COL28A1: variants seen among roughly 807,000 people sequenced by gnomAD.
COL28A1 encodes the protein collagen alpha-1(XXVIII) chain.
COL28A1 carries 161 observed loss-of-function variants against 150.2 expected under a neutral mutation model. That is an observed-to-expected ratio of 1.07 (90% CI 0.94 to 1.22). The LOEUF (loss-of-function observed/expected upper bound fraction) is 1.22. Among genes scored for constraint, COL28A1 ranks in the 50% most tolerant of loss-of-function variants. COL28A1 has a pLI of 0.00. For synonymous variants in COL28A1, 552 were observed against 469.7 expected (o/e 1.18, Z -2.26); for missense variants, 1,617 against 1,388.3 (o/e 1.16, Z -2.62).
chr7:7,497,331 A>G (rs889013996), intron 11 of COL28A1, among the ~76,000 whole-genome samples: 2 of 152,242 alleles, frequency 1.3e-5, no homozygotes, highest in African/African-American at 4.8e-5. Flanking sequence ...GGCACTTACT[A>G]TGCAAGAAGT....
At position 7,360,462 on chromosome 7, in the gene COL28A1, G is replaced by A. The variant is rs1327009514; in HGVS notation, c.3133C>T (p.Pro1045Ser). 3 of 1,609,720 alleles carry A rather than the reference G, an allele frequency of 1.9e-6. No homozygotes were observed. The highest frequency in any genetic ancestry group is 1.7e-4 in the Middle Eastern group (1 of 5,994). The part of the protein sequence containing the change: ...APEPTWADDL[P>S]ATTSSEATTT... ...GTGGCCTCAGATGAGGTAGTGGCAG[G>A]CAGATCATCAGCCCACGTTGGCTCT... The change falls in exon 34 of 35, where the codon CCT (proline) becomes TCT (serine). Residue 1045 changes from proline to serine, a missense_variant. Pro to Ser is a moderately conservative substitution (Grantham distance 74). Transcript: ENST00000399429.
chr7:7,537,093 T>C (rs1484340563), upstream of COL28A1, among the ~76,000 whole-genome samples: 1 of 152,166 alleles, frequency 6.6e-6, no homozygotes, highest in Non-Finnish European at 1.5e-5. Flanking sequence ...ATCTAAGCTA[T>C]ATATACATTT....
intron 25 of COL28A1, among the ~76,000 whole-genome samples, chr7:7,422,495 G>A (rs534565175): frequency 6.6e-6 from 1 of 152,130 alleles, no homozygotes; most frequent in Admixed American, 6.5e-5. Flanking sequence ...TAGGCGTGGC[G>A]GCAGGCACCT....
chr7:7,361,974 G>C (rs1780691573), intron 33 of COL28A1, among the ~76,000 whole-genome samples: 1 of 152,114 alleles, frequency 6.6e-6, no homozygotes, highest in South Asian at 2.1e-4. Context: ...AGTGGGAGTT[G>C]AACAATGAAA....
rs544246353 is a variant in COL28A1, at chr7:7,399,508, G to A, written c.2137-17896C>T. Among the ~76,000 whole-genome samples the A allele has an allele frequency of 7.9e-5, 12 of 152,258 alleles. 1 individual carries two copies. In the East Asian group the frequency reaches 9.7e-4, roughly 12 times the overall value. On this transcript the variant is annotated intron_variant, in intron 27 of 34. Transcript: ENST00000399429. ...GTTCTGAGCTAGAGGTAATGGATGT[G>A]GAGGTTGGCCATCTTTTTGGTAGAA...
Position 7,432,470 on chromosome 7 carries a change from T to C in COL28A1, c.1998+3A>G, listed in dbSNP as rs1281542784. The stretch of plus-strand genomic sequence containing the variant: ...TAGTACGTTGCCTACTTTAAAGTCT[T>C]ACCTTTGCTCCAGTGTCTCCCACTC... On this transcript the variant is annotated splice_donor_region_variant and intron_variant, in intron 25 of 34. Transcript: ENST00000399429. 6.2e-7 allele frequency: 1 copy of C among 1,613,920 alleles called. No homozygotes were observed. The highest frequency in any genetic ancestry group is 8.5e-7 in the Non-Finnish European group (1 of 1,179,788).
chr7:7,407,053 G>A (rs1762960379), intron 27 of COL28A1, among the ~76,000 whole-genome samples: 2 of 151,258 alleles, frequency 1.3e-5, no homozygotes, highest in African/African-American at 4.9e-5. Context: ...CAATGGACTG[G>A]TTAAATGACA....
intron 15 of COL28A1, among the ~76,000 whole-genome samples, chr7:7,467,895 T>C (rs1371703751): frequency 6.9e-6 from 1 of 144,902 alleles, no homozygotes; most frequent in Non-Finnish European, 1.5e-5. Flanking sequence ...AATAAAGATG[T>C]TCTTTGAAAC....
At chr7:7,454,696 G>A (rs1787001973) in intron 16 of COL28A1, among the ~76,000 whole-genome samples, 1 of 152,110 alleles carries the variant, frequency 6.6e-6, no homozygotes, top group African/African-American at 2.4e-5. Flanking sequence ...TAGCCCCATA[G>A]TGGTCACTCA....
At chr7:7,445,712 G>A (rs970915416) in intron 18 of COL28A1, among the ~76,000 whole-genome samples, 3 of 151,710 alleles carry the variant, frequency 2.0e-5, no homozygotes, top group Non-Finnish European at 4.4e-5. Flanking sequence ...CAACAAAATG[G>A]AAAATAATTG....
At chr7:7,474,772 A>G (rs541814325) in intron 14 of COL28A1, 103 bp from the exon 15 acceptor site, 1 of 707,632 alleles carries the variant, frequency 1.4e-6, no homozygotes, top group African/African-American at 1.8e-5. Context: ...TTATTTTTTA[A>G]ATAAAGCATC....
intron 33 of COL28A1, among the ~76,000 whole-genome samples, chr7:7,370,205 A>G (rs1044715664): frequency 6.6e-6 from 1 of 152,224 alleles, no homozygotes; most frequent in Non-Finnish European, 1.5e-5. Context: ...ATGCATATAT[A>G]GCCTCCCTCA....
chr7:7,378,901 G>T (rs1403553945), intron 30 of COL28A1, among the ~76,000 whole-genome samples: 1 of 152,162 alleles, frequency 6.6e-6, no homozygotes, highest in East Asian at 1.9e-4. Context: ...ACTGCATGGG[G>T]GTTTGGCCAG....
intron 13 of COL28A1, among the ~76,000 whole-genome samples, chr7:7,488,370 C>T (rs533909822): frequency 6.6e-6 from 1 of 152,256 alleles, no homozygotes; most frequent in Non-Finnish European, 1.5e-5. Flanking sequence ...TCACAGAGTG[C>T]AGTAAGGAAG....
intron 8 of COL28A1, 27 bp downstream of exon 8, chr7:7,515,787 T>C: frequency 1.1e-6 from 1 of 916,498 alleles, no homozygotes; most frequent in South Asian, 1.4e-5. Flanking sequence ...GAAATTCTGG[T>C]CAATCTATTT....
chr7:7,366,117 AT>A (rs1780920652), intron 33 of COL28A1, among the ~76,000 whole-genome samples: 1 of 152,178 alleles, frequency 6.6e-6, no homozygotes, highest in Admixed American at 6.5e-5. Context: ...CTGTAATCAT[AT>A]ACTTTTAGAA....
intron 33 of COL28A1, among the ~76,000 whole-genome samples, chr7:7,367,102 T>TTA (rs1174382590): frequency 1.3e-5 from 2 of 152,198 alleles, no homozygotes; most frequent in East Asian, 1.9e-4. Context: ...TTAGATATGC[T>TTA]TATATATATA....
At chr7:7,456,948 G>C (rs1787217202) in intron 15 of COL28A1, among the ~76,000 whole-genome samples, 1 of 152,218 alleles carries the variant, frequency 6.6e-6, no homozygotes, top group African/African-American at 2.4e-5. Flanking sequence ...GAGAGGGAAT[G>C]AGCCAGGTAG....
At chr7:7,425,993 T>C (rs1401310038) in intron 25 of COL28A1, among the ~76,000 whole-genome samples, 5 of 152,220 alleles carry the variant, frequency 3.3e-5, no homozygotes, top group Non-Finnish European at 7.3e-5. Context: ...GCTTTAATCA[T>C]ACTCTCTCCC....
Sources: allele counts gnomAD v4.1 joint callset (sites outside exome capture counted in the v4.1 genomes callset), GRCh38; gene constraint gnomAD v4.1.1; transcripts MANE v1.5; gene names NCBI Gene and HGNC (gene_info 2026-07-23, HGNC 2026-07-21).